Variants in IQCK observed in about 807,000 individuals in gnomAD.
The protein encoded by IQCK is IQ domain-containing protein K.
Under a neutral mutation model 28.1 loss-of-function variants are expected in IQCK, and 29 were observed. The ratio of observed to expected loss-of-function variants is 1.03; its 90% confidence interval spans 0.77 to 1.41. The LOEUF (loss-of-function observed/expected upper bound fraction) is 1.41, where lower values mean the gene tolerates loss of function less well. Among genes scored for constraint, IQCK ranks in the 40% most tolerant of loss-of-function variants. The pLI is 0.00. For missense variants in IQCK, 359 were observed against 314.7 expected, an observed-to-expected ratio of 1.14 and a Z score of -1.07; for synonymous variants, 113 against 115.1, an observed-to-expected ratio of 0.98 and a Z score of 0.12.
chr16:19,845,861 G>T (rs2056410341), intron 9 of IQCK, among the ~76,000 whole-genome samples: 2 of 151,970 alleles, frequency 1.3e-5, no homozygotes, highest in African/African-American at 4.8e-5. Context: ...GATCACTTGA[G>T]CTCAGGAGTT....
intron 4 of IQCK, chr16:19,762,127 C>G (rs953900500): frequency 1.3e-5 from 2 of 152,324 alleles, no homozygotes; most frequent in East Asian, 3.8e-4. Context: ...TCGGGCAGAA[C>G]TGTATGACAT....
intron 7 of IQCK, among the ~76,000 whole-genome samples, chr16:19,808,348 C>G (rs2055858957): frequency 6.6e-6 from 1 of 152,166 alleles, no homozygotes. Flanking sequence ...TTTATTTGCT[C>G]AGTCACAATG....
chr16:19,779,992 T>C (rs2055455049), intron 6 of IQCK, among the ~76,000 whole-genome samples: 2 of 149,970 alleles, frequency 1.3e-5, no homozygotes, highest in African/African-American at 4.9e-5. Context: ...GCTGGGACCT[T>C]ACAGGCGTGA....
At chr16:19,822,047 G>A (rs1323931897) in intron 7 of IQCK, among the ~76,000 whole-genome samples, 1 of 115,604 alleles carries the variant, frequency 8.7e-6, no homozygotes, top group African/African-American at 3.3e-5. Context: ...CAATCTGGGC[G>A]ACAGAATGAG....
At chr16:19,732,621 C>A (rs1190841650) in intron 2 of IQCK, among the ~76,000 whole-genome samples, 1 of 152,118 alleles carries the variant, frequency 6.6e-6, no homozygotes, top group Non-Finnish European at 1.5e-5. Context: ...CCACCACTGC[C>A]AGCTAATTAT....
At chr16:19,743,200 G>T (rs1333305173) in intron 4 of IQCK, among the ~76,000 whole-genome samples, 1 of 150,992 alleles carries the variant, frequency 6.6e-6, no homozygotes, top group Non-Finnish European at 1.5e-5. Flanking sequence ...TAAAAGTCAG[G>T]GCCTACTTTT....
intron 6 of IQCK, among the ~76,000 whole-genome samples, chr16:19,774,981 A>G (rs544583790): frequency 2.0e-5 from 3 of 152,260 alleles, no homozygotes; most frequent in African/African-American, 7.2e-5. Flanking sequence ...TAATCCCAGC[A>G]CTTTGGGAGG....
intron 2 of IQCK, among the ~76,000 whole-genome samples, chr16:19,732,153 A>G (rs534102957): frequency 3.1e-4 from 47 of 152,206 alleles, no homozygotes; most frequent in Admixed American, 3.0e-3. Context: ...ATAGATCTCC[A>G]CTCAGTCCAC....
At chr16:19,746,915 G>A (rs1263238704) in intron 4 of IQCK, among the ~76,000 whole-genome samples, 3 of 152,160 alleles carry the variant, frequency 2.0e-5, no homozygotes, top group East Asian at 1.9e-4. Flanking sequence ...ATTGCATTTC[G>A]ATTATTATGT....
At chr16:19,746,190 CT>C (rs58032911) in intron 4 of IQCK, among the ~76,000 whole-genome samples, 44,423 of 132,096 alleles carry the variant, frequency 0.34, 10,806 homozygotes, top group African/African-American at 0.71. Context: ...AGCTTCATTT[CT>C]TTTTTTTTTT....
At chr16:19,753,337 G>A (rs2151700898) in intron 4 of IQCK, among the ~76,000 whole-genome samples, 1 of 152,188 alleles carries the variant, frequency 6.6e-6, no homozygotes, top group Non-Finnish European at 1.5e-5. Context: ...GAGGCAGGAA[G>A]ATCCCTTGAG....
intron 9 of IQCK, among the ~76,000 whole-genome samples, chr16:19,852,691 T>C (rs1045740390): frequency 4.6e-5 from 7 of 151,126 alleles, no homozygotes; most frequent in Non-Finnish European, 8.9e-5. Context: ...GACGCGATCT[T>C]GGCTTACTGC....
intron 4 of IQCK, among the ~76,000 whole-genome samples, chr16:19,746,695 G>C (rs1286463189): frequency 6.6e-6 from 1 of 152,162 alleles, no homozygotes; most frequent in Non-Finnish European, 1.5e-5. Flanking sequence ...CAAAGGACAA[G>C]GCTTTAAAAA....
intron 7 of IQCK, among the ~76,000 whole-genome samples, chr16:19,805,576 A>G (rs891715923): frequency 2.3e-4 from 35 of 152,300 alleles, no homozygotes; most frequent in Admixed American, 5.2e-4. Flanking sequence ...ATAGTAACAT[A>G]ATGTCAAAGA....
chr16:19,842,918 G>A (rs1009896636), intron 9 of IQCK, among the ~76,000 whole-genome samples: 2 of 152,198 alleles, frequency 1.3e-5, no homozygotes, highest in South Asian at 4.1e-4. Context: ...ATGAGATAAT[G>A]TATGGGGAAG....
intron 9 of IQCK, among the ~76,000 whole-genome samples, chr16:19,848,301 T>G (rs914954404): frequency 5.3e-5 from 8 of 152,208 alleles, no homozygotes; most frequent in Non-Finnish European, 1.2e-4. Context: ...ATTTCATTCC[T>G]AAATTCCTTT....
At chr16:19,737,230 C>T (rs2054771026) in intron 4 of IQCK, among the ~76,000 whole-genome samples, 1 of 152,026 alleles carries the variant, frequency 6.6e-6, no homozygotes, top group Non-Finnish European at 1.5e-5. Flanking sequence ...GTTGACACAT[C>T]CTAGGGTCTA....
At chr16:19,722,191 T>A (rs1687529870) in intron 1 of IQCK, among the ~76,000 whole-genome samples, 1 of 152,182 alleles carries the variant, frequency 6.6e-6, no homozygotes, top group Non-Finnish European at 1.5e-5. Context: ...CCTCCTGAAA[T>A]GTTCTGTGAT....
chr16:19,780,424 G>A (rs903436831), intron 6 of IQCK, among the ~76,000 whole-genome samples: 1 of 151,994 alleles, frequency 6.6e-6, no homozygotes, highest in Non-Finnish European at 1.5e-5. Context: ...TCCCTCCTTG[G>A]CCTCTCTAAG....
Sources: allele counts gnomAD v4.1 joint callset (sites outside exome capture counted in the v4.1 genomes callset), GRCh38; gene constraint gnomAD v4.1.1; transcripts MANE v1.5; gene names NCBI Gene and HGNC (gene_info 2026-07-23, HGNC 2026-07-21).